DNAAF5: variants seen among roughly 807,000 people sequenced by gnomAD.
DNAAF5 encodes HEAT repeat containing 2.
In DNAAF5, 64 loss-of-function variants were observed where a neutral mutation model predicts 75.8. The ratio of observed to expected loss-of-function variants is 0.84; its 90% CI spans 0.69 to 1.04. The LOEUF is 1.04. DNAAF5 is among the 50% of genes least tolerant of loss of function. DNAAF5 has a pLI of 0.00. For missense variants in DNAAF5, 1,269 were observed against 1,178.5 expected (o/e 1.08, Z -1.12); for synonymous variants, 657 against 557.2 (o/e 1.18, Z -2.52).
At chr7:775,308 C>G in intron 11 of DNAAF5, 146 bp downstream of exon 11, 3 of 752,286 alleles carry the variant, frequency 4.0e-6, no homozygotes, top group Non-Finnish European at 6.7e-6. Flanking sequence ...AATTCCAGCA[C>G]TTTAGGCAGG....
At chr7:761,367 A>G (rs1782638120) in intron 6 of DNAAF5, among the ~76,000 whole-genome samples, 1 of 152,250 alleles carries the variant, frequency 6.6e-6, no homozygotes, top group South Asian at 2.1e-4. Context: ...GGAGCCCTGT[A>G]TTAGTCCATT....
intron 10 of DNAAF5, 105 bp from the exon 11 acceptor site, chr7:774,901 T>G: frequency 1.0e-6 from 1 of 957,346 alleles, no homozygotes; most frequent in Non-Finnish European, 1.6e-6. Flanking sequence ...AGGTAAAGCT[T>G]TCAAGCCCCC....
intron 2 of DNAAF5, among the ~76,000 whole-genome samples, chr7:739,774 C>T (rs1323296308): frequency 2.6e-5 from 4 of 152,098 alleles, no homozygotes; most frequent in East Asian, 1.9e-4. Context: ...GGTCCCAGGC[C>T]GGCAGGGGCG....
At chr7:775,674 C>A (rs1778738166) in intron 11 of DNAAF5, among the ~76,000 whole-genome samples, 5 of 152,238 alleles carry the variant, frequency 3.3e-5, no homozygotes, top group Admixed American at 2.6e-4. Flanking sequence ...ATTTGTTGGG[C>A]ACCAAGTACA....
At chr7:749,214 T>C (rs1398825448) in intron 4 of DNAAF5, among the ~76,000 whole-genome samples, 1 of 152,242 alleles carries the variant, frequency 6.6e-6, no homozygotes, top group African/African-American at 2.4e-5. Context: ...CGTTCACGCC[T>C]GGTGTGTATC....
In DNAAF5 at chr7:726,855, C is replaced by T. The variant is rs1297089962; in HGVS notation, c.135C>T (p.Gly45=). Residue 45 remains glycine, a synonymous_variant, in exon 1 of 13, where the codon GGC becomes GGT. Transcript: ENST00000297440. ...GGCTGGAGGCCGACAGCAAGCCGGG[C>T]CGGCGGCGCGCCTTGGAGGCCCTGC... ...LPGLEADSKP[G]RRRALEALRR... is the part of the protein sequence containing the mutation. 7.6e-7 allele frequency: 1 copy of T among 1,318,808 alleles called. No homozygotes were observed. The highest frequency in any genetic ancestry group is 9.6e-7 in the Non-Finnish European group (1 of 1,037,216). The allele number at this position is 1,318,808 out of a possible 1,614,324, so 81.7% of individuals were successfully genotyped here.
chr7:741,490 C>A, intron 4 of DNAAF5, 25 bp downstream of exon 4: 1 of 1,314,586 alleles, frequency 7.6e-7, no homozygotes, highest in Non-Finnish European at 1.1e-6. Flanking sequence ...CAGAGGGGAG[C>A]GCCAGGAGGC....
chr7:770,407 G>C, intron 8 of DNAAF5, 64 bp from the exon 9 acceptor site: 2 of 1,533,260 alleles, frequency 1.3e-6, no homozygotes, highest in Non-Finnish European at 1.8e-6. Context: ...CTGGGCCTGT[G>C]CTGGATGGGG....
intron 2 of DNAAF5, among the ~76,000 whole-genome samples, chr7:735,464 T>TC (rs1232583041): frequency 4.6e-5 from 7 of 150,782 alleles, no homozygotes; most frequent in South Asian, 2.1e-4. Context: ...GTGTAGCTGC[T>TC]CCCGGTGTAG....
At chr7:751,008 G>T (rs189470984) in intron 4 of DNAAF5, 181 of 153,246 alleles carry the variant, frequency 1.2e-3, no homozygotes, top group Non-Finnish European at 1.6e-3. Context: ...GCCAGGTGTG[G>T]TGGCATGCAC....
intron 12 of DNAAF5, among the ~76,000 whole-genome samples, chr7:783,606 C>T (rs1779050850): frequency 6.6e-6 from 1 of 152,194 alleles, no homozygotes; most frequent in South Asian, 2.1e-4. Flanking sequence ...CTCCAGGTCA[C>T]GGAAAGAAGC....
At chr7:776,591 G>A (rs1043133977) in intron 11 of DNAAF5, among the ~76,000 whole-genome samples, 3 of 152,296 alleles carry the variant, frequency 2.0e-5, no homozygotes, top group African/African-American at 7.2e-5. Context: ...AGGACCAGGG[G>A]CACAGCCTCA....
chr7:770,901 G>T (rs975483130), intron 9 of DNAAF5: 1 of 368,986 alleles, frequency 2.7e-6, no homozygotes, highest in South Asian at 4.7e-5. Flanking sequence ...TGAGGTGGGC[G>T]TGTGCAGTGA....
At chr7:753,462 T>C (rs1782370012) in intron 4 of DNAAF5, among the ~76,000 whole-genome samples, 1 of 152,198 alleles carries the variant, frequency 6.6e-6, no homozygotes, top group South Asian at 2.1e-4. Flanking sequence ...GGGGCTGCAG[T>C]GCAGAGGAGC....
chr7:727,252 C>G lies in DNAAF5; in HGVS notation c.532C>G (p.Pro178Ala), dbSNP rs1226267052. 1.5e-6 allele frequency: 2 copies of G among 1,339,966 alleles called. No homozygotes were observed. Among genetic ancestry groups the G allele is most frequent in the South Asian group, 3.6e-5 (2 of 54,888 alleles). The allele number at this position is 1,339,966 out of a possible 1,614,324, so 83.0% of individuals were successfully genotyped here. A position where few individuals can be genotyped will look rare whatever the true frequency, so the allele number is the denominator to read the frequency against. The change falls in exon 1 of 13, where the codon CCC (proline) becomes GCC (alanine). Residue 178 changes from proline to alanine, a missense_variant. Physicochemically the swap from Pro to Ala is conservative, Grantham distance 27. Transcript: ENST00000297440. ...LRALRCSLLDPFAAVRRESCS... is the reference protein window; with the variant it reads ...LRALRCSLLDAFAAVRRESCS... ...CGCGCTGCGCTGCTCCCTGCTCGACCCCTTCGCCGCCGTGCGCCGCGAGAG... is the reference window on the plus strand; with the variant it reads ...CGCGCTGCGCTGCTCCCTGCTCGACGCCTTCGCCGCCGTGCGCCGCGAGAG...
At chr7:741,986 C>G (rs1781925750) in intron 4 of DNAAF5, among the ~76,000 whole-genome samples, 1 of 152,240 alleles carries the variant, frequency 6.6e-6, no homozygotes, top group African/African-American at 2.4e-5. Context: ...CCTCCCCGCC[C>G]TTCCCACATT....
At position 735,153 on chromosome 7, in the gene DNAAF5, G is replaced by A. The variant is rs192295715; in HGVS notation, c.780+5306G>A. Among the ~76,000 whole-genome samples the A allele has an allele frequency of 3.0e-4, 45 of 149,208 alleles. No homozygotes were observed. The East Asian group carries it at 6.5e-3, about 21-fold the overall frequency. ...CGCCACTCACGATGTCATTGCTCAC[G>A]GTGTAGTTCATGGTGTAGCTGCTCA... On this transcript the variant is annotated intron_variant, in intron 2 of 12. Coordinates refer to ENST00000297440, the MANE Select transcript of DNAAF5 (RefSeq NM_017802.4).
intron 2 of DNAAF5, among the ~76,000 whole-genome samples, chr7:738,710 T>C (rs1781810113): frequency 6.6e-6 from 1 of 152,238 alleles, no homozygotes; most frequent in Non-Finnish European, 1.5e-5. Flanking sequence ...AGGTTTCTTA[T>C]GATACTAAGT....
Position 761,137 on chromosome 7 carries a change from T to TC in DNAAF5, c.1471-616_1471-615insC, listed in dbSNP as rs565672953. Among the ~76,000 whole-genome samples, 9 of 152,380 alleles carry TC rather than the reference T, an allele frequency of 5.9e-5. No individual in the cohort carries two copies. In the South Asian group the frequency reaches 1.7e-3, roughly 28 times the overall value. Reference sequence around the variant, plus strand: ...TTCTCCACCACATAGCTCAAGTGCCTGTTCACATTTCACAAAATAAGCACA... The same window carrying TC: ...TTCTCCACCACATAGCTCAAGTGCCTCGTTCACATTTCACAAAATAAGCACA... On this transcript the variant is annotated intron_variant, in intron 6 of 12. Transcript: ENST00000297440.
Sources: gnomAD v4.1 joint callset for allele counts (sites outside exome capture counted in the v4.1 genomes callset) on GRCh38, gnomAD v4.1.1 for gene constraint, MANE v1.5 for transcripts, NCBI Gene and HGNC (gene_info 2026-07-23, HGNC 2026-07-21) for gene names.